The following CDK1 variants were observed in gnomAD, a reference collection of about 807,000 sequenced individuals.
CDK1 encodes the protein cyclin dependent kinase 1, also known as cyclin-dependent kinase 1.
A neutral mutation model predicts 34.6 loss-of-function variants in CDK1; 5 were observed. That is an observed-to-expected ratio of 0.14 (90% CI 0.08 to 0.30). The LOEUF (loss-of-function observed/expected upper bound fraction) is 0.30, where lower values mean the gene tolerates loss of function less well. Among genes scored for constraint, CDK1 ranks in the 10% least tolerant of loss-of-function variants. The pLI is 1.00. For missense variants in CDK1, 157 were observed against 345.7 expected, an observed-to-expected ratio of 0.45 and a Z score of 4.33; for synonymous variants, 108 against 114.7, an observed-to-expected ratio of 0.94 and a Z score of 0.37.
rs1271004498 is a variant in CDK1, at chr10:60,778,583, G to A, written c.-26+13G>A. On this transcript the variant is annotated intron_variant, in intron 1 of 7. Coordinates refer to ENST00000395284, the MANE Select transcript of CDK1 (RefSeq NM_001786.5). ...AATAATAAGCCGGGTACAGTGGCTG[G>A]GGTCAGGGTCGTGTCTAGGGGACGG... The A allele has an allele frequency of 1.3e-5, 2 of 152,290 alleles. No individual in the cohort carries two copies. The highest frequency in any genetic ancestry group is 1.9e-4 in the East Asian group (1 of 5,180). The allele number at this position is 152,290 out of a possible 1,614,324, so 9.4% of individuals were successfully genotyped here.
chr10:60,781,717 T>C (rs1002360910), intron 2 of CDK1, among the ~76,000 whole-genome samples: 1 of 152,210 alleles, frequency 6.6e-6, no homozygotes. Flanking sequence ...ATGGCTGTTC[T>C]TTCTACCTGG....
intron 5 of CDK1, among the ~76,000 whole-genome samples, chr10:60,788,472 G>A (rs988206711): frequency 2.0e-5 from 3 of 152,060 alleles, no homozygotes; most frequent in Non-Finnish European, 2.9e-5. Context: ...GGACATGGCA[G>A]GAGGAAGGAG....
intron 5 of CDK1, among the ~76,000 whole-genome samples, chr10:60,789,243 G>A (rs2080339018): frequency 6.6e-6 from 1 of 151,958 alleles, no homozygotes; most frequent in African/African-American, 2.4e-5. Flanking sequence ...CTTTTTGTTG[G>A]GAACATTCAA....
At chr10:60,793,659 A>G (rs1261386629) in intron 7 of CDK1, among the ~76,000 whole-genome samples, 1 of 152,072 alleles carries the variant, frequency 6.6e-6, no homozygotes, top group Admixed American at 6.5e-5. Flanking sequence ...GGTTATTGAG[A>G]ATATCTATGA....
intron 4 of CDK1, among the ~76,000 whole-genome samples, chr10:60,787,510 A>G (rs57989432): frequency 0.017 from 2,541 of 152,180 alleles, 33 homozygotes; most frequent in African/African-American, 0.029. Context: ...TGTAATATCC[A>G]TGCTACTTCA....
chr10:60,784,325 A>G (rs1294743129), intron 2 of CDK1, among the ~76,000 whole-genome samples: 2 of 152,130 alleles, frequency 1.3e-5, no homozygotes, highest in East Asian at 1.9e-4. Flanking sequence ...ATGGGATTCA[A>G]TGATCTTGAA....
At chr10:60,793,550 A>G (rs1025947170) in intron 7 of CDK1, among the ~76,000 whole-genome samples, 1 of 152,060 alleles carries the variant, frequency 6.6e-6, no homozygotes. Flanking sequence ...TTAATTCTCA[A>G]TGTAAATATA....
intron 4 of CDK1, chr10:60,787,723 A>G (rs1204628235): frequency 1.3e-5 from 2 of 157,788 alleles, no homozygotes; most frequent in African/African-American, 2.4e-5. Flanking sequence ...AAGATACAAA[A>G]TAGAGTTGGT....
chr10:60,788,185 C>T lies in CDK1; in HGVS notation c.444C>T (p.Gly148=), dbSNP rs1001608041. 5 of 1,611,352 alleles carry T rather than the reference C, an allele frequency of 3.1e-6. No individual in the cohort carries two copies. Among genetic ancestry groups the T allele is most frequent in the Non-Finnish European group, 3.4e-6 (4 of 1,178,362 alleles). Residue 148 remains glycine (G), a synonymous_variant, in exon 5 of 8, where the codon GGC becomes GGT. Transcript: ENST00000395284. ...DKGTIKLADF[G]LARAFGIPIR... Reference sequence around the variant, plus strand: ...GAACAATTAAACTGGCTGATTTTGGCCTTGCCAGAGCTTTTGGAATACCTA... The same window carrying T: ...GAACAATTAAACTGGCTGATTTTGGTCTTGCCAGAGCTTTTGGAATACCTA...
chr10:60,789,966 G>A lies in CDK1; in HGVS notation c.489+1736G>A, dbSNP rs111994717. Among the ~76,000 whole-genome samples, 971 of 152,114 alleles carry A rather than the reference G, an allele frequency of 6.4e-3. 12 individuals are homozygous for A. The highest frequency in any genetic ancestry group is 0.022 in the African/African-American group (932 of 41,508). ...CTAACTGGGTGTGATAGCTCATTGT[G>A]GTTTTGATTTGCATTTCCCTGATGA... On this transcript the variant is annotated intron_variant, in intron 5 of 7. Coordinates refer to ENST00000395284, the MANE Select transcript of CDK1 (RefSeq NM_001786.5).
chr10:60,783,868 G>A lies in CDK1; in HGVS notation c.38-837G>A, dbSNP rs532255392. Among the ~76,000 whole-genome samples, 29 of 149,076 alleles carry A rather than the reference G, an allele frequency of 1.9e-4. No homozygotes were observed. The South Asian group carries it at 5.8e-3, about 30-fold the overall frequency. On this transcript the variant is annotated intron_variant, in intron 2 of 7. Transcript: ENST00000395284. ...TCCTAATATGTAGTACATACAATGT[G>A]CTTTATTAGGTTTAATACACAAACA...
At chr10:60,786,156 G>A in intron 4 of CDK1, 2 of 910,056 alleles carry the variant, frequency 2.2e-6, no homozygotes, top group Non-Finnish European at 2.6e-6. Flanking sequence ...TCAATTTATT[G>A]TAGACATTTA....
Position 60,794,200 on chromosome 10 carries a change from T to C in CDK1, c.*225T>C, listed in dbSNP as rs1311320886. Reference sequence around the variant, plus strand: ...TCACTGTAACAACTATTTGTTACTATAATAAAACTATAATATTGATGTCAG... The same window carrying C: ...TCACTGTAACAACTATTTGTTACTACAATAAAACTATAATATTGATGTCAG... On this transcript the variant is annotated 3_prime_UTR_variant, in exon 8 of 8. Transcript: ENST00000395284. 1 of 300,318 alleles carries C rather than the reference T, an allele frequency of 3.3e-6. No homozygotes were observed. Among genetic ancestry groups the C allele is most frequent in the African/African-American group, 2.2e-5 (1 of 45,234 alleles). The allele number at this position is 300,318 out of a possible 1,614,324, so 18.6% of individuals were successfully genotyped here.
Position 60,794,648 on chromosome 10 carries a change from AG to A in CDK1, c.*675del, listed in dbSNP as rs1564676884. On this transcript the variant is annotated 3_prime_UTR_variant, in exon 8 of 8. Coordinates refer to ENST00000395284, the MANE Select transcript of CDK1 (RefSeq NM_001786.5). Reference sequence around the variant, plus strand: ...AAAATTTATGAACTATCTTATTTTTAGGTAGGTTTTGAAAGCTTTTTGTCTA... The same window carrying A: ...AAAATTTATGAACTATCTTATTTTTAGTAGGTTTTGAAAGCTTTTTGTCTA... The A allele has an allele frequency of 6.6e-6, 1 of 152,166 alleles. No individual in the cohort carries two copies. The highest frequency in any genetic ancestry group is 1.5e-5 in the Non-Finnish European group (1 of 67,982). The allele number at this position is 152,166 out of a possible 1,614,324, so 9.4% of individuals were successfully genotyped here. A position where few individuals can be genotyped will look rare whatever the true frequency, so the allele number is the denominator to read the frequency against.
At chr10:60,789,731 A>G (rs186526083) in intron 5 of CDK1, among the ~76,000 whole-genome samples, 4 of 152,304 alleles carry the variant, frequency 2.6e-5, no homozygotes, top group South Asian at 4.1e-4. Flanking sequence ...TCTCTTTGAC[A>G]TAATTGATTT....
chr10:60,781,090 C>A (rs2080269669), intron 2 of CDK1, among the ~76,000 whole-genome samples: 1 of 151,686 alleles, frequency 6.6e-6, no homozygotes, highest in African/African-American at 2.4e-5. Flanking sequence ...ATACCTCATA[C>A]CCATTCTACT....
chr10:60,781,464 G>A (rs1223144718), intron 2 of CDK1, among the ~76,000 whole-genome samples: 8 of 152,106 alleles, frequency 5.3e-5, no homozygotes, highest in African/African-American at 1.9e-4. Flanking sequence ...TCTGCAAATG[G>A]TGATAATTGG....
At chr10:60,779,592 G>A (rs1346197932) in intron 1 of CDK1, among the ~76,000 whole-genome samples, 2 of 152,050 alleles carry the variant, frequency 1.3e-5, no homozygotes, top group Non-Finnish European at 2.9e-5. Flanking sequence ...AGCAAGCAGA[G>A]GAAAAAGATT....
At chr10:60,782,175 A>G (rs1733681173) in intron 2 of CDK1, among the ~76,000 whole-genome samples, 2 of 152,228 alleles carry the variant, frequency 1.3e-5, no homozygotes, top group South Asian at 4.1e-4. Flanking sequence ...AACATCTCCA[A>G]ATCTATATTG....
Sources: allele counts gnomAD v4.1 joint callset (sites outside exome capture counted in the v4.1 genomes callset), GRCh38; gene constraint gnomAD v4.1.1; transcripts MANE v1.5; gene names NCBI Gene and HGNC (gene_info 2026-07-23, HGNC 2026-07-21).